RNF220: variants seen among roughly 807,000 people sequenced by gnomAD.
RNF220 encodes the protein ring finger protein 220, also known as E3 ubiquitin-protein ligase RNF220.
In RNF220, 7 loss-of-function variants were observed where a neutral mutation model predicts 67.1. The observed-to-expected ratio is 0.10, with a 90% CI of 0.06 to 0.20. The LOEUF (loss-of-function observed/expected upper bound fraction) is 0.20, where lower values mean the gene tolerates loss of function less well. RNF220 is among the 10% of genes least tolerant of loss of function. The pLI is 1.00. For synonymous variants in RNF220, 270 were observed against 283.2 expected (o/e 0.95, Z 0.47); for missense variants, 565 against 740.3 (o/e 0.76, Z 2.75).
intron 1 of RNF220, among the ~76,000 whole-genome samples, chr1:44,409,800 T>G (rs1260577988): frequency 3.3e-5 from 5 of 152,148 alleles, no homozygotes; most frequent in Non-Finnish European, 5.9e-5. Flanking sequence ...GGGAGTGTAT[T>G]AACTATAGAT....
intron 3 of RNF220, among the ~76,000 whole-genome samples, chr1:44,615,829 AAAC>A (rs558535545): frequency 6.6e-6 from 1 of 152,362 alleles, no homozygotes; most frequent in South Asian, 2.1e-4. Flanking sequence ...CTAGCAGCTA[AAAC>A]AACATACATG....
At chr1:44,421,803 G>A (rs577610022) in intron 2 of RNF220, among the ~76,000 whole-genome samples, 8 of 152,272 alleles carry the variant, frequency 5.3e-5, no homozygotes, top group South Asian at 2.1e-4. Context: ...AGTGGGAGAG[G>A]TGGGGAGTAG....
At chr1:44,553,549 C>T (rs1306177842) in intron 2 of RNF220, among the ~76,000 whole-genome samples, 1 of 152,152 alleles carries the variant, frequency 6.6e-6, no homozygotes, top group African/African-American at 2.4e-5. Flanking sequence ...CTATGAGAAG[C>T]TGCCTAGGCC....
At chr1:44,424,125 A>G in intron 2 of RNF220, 1 of 583,416 alleles carries the variant, frequency 1.7e-6, no homozygotes, top group Non-Finnish European at 2.2e-6. Context: ...TCTTCTTGAC[A>G]GCCTTATGGT....
chr1:44,615,530 T>C (rs566913980), intron 3 of RNF220, among the ~76,000 whole-genome samples: 1 of 152,166 alleles, frequency 6.6e-6, no homozygotes, highest in African/African-American at 2.4e-5. Context: ...TGATCCTCCT[T>C]CCTTCTACCT....
intron 2 of RNF220, among the ~76,000 whole-genome samples, chr1:44,495,162 A>G (rs899537732): frequency 1.3e-5 from 2 of 152,090 alleles, no homozygotes; most frequent in Admixed American, 1.3e-4. Flanking sequence ...GCAATGAGCC[A>G]TGATCATGCC....
intron 2 of RNF220, among the ~76,000 whole-genome samples, chr1:44,533,226 C>T (rs2148196721): frequency 6.6e-6 from 1 of 152,280 alleles, no homozygotes; most frequent in East Asian, 1.9e-4. Flanking sequence ...CATGGTGGCT[C>T]ACGCCTGTAA....
At chr1:44,488,018 G>A (rs1200668767) in intron 2 of RNF220, among the ~76,000 whole-genome samples, 2 of 151,148 alleles carry the variant, frequency 1.3e-5, no homozygotes, top group Non-Finnish European at 2.9e-5. Flanking sequence ...CACCCAGGCT[G>A]GAGTGCAGTG....
chr1:44,454,472 T>C (rs920969984), intron 2 of RNF220, among the ~76,000 whole-genome samples: 15 of 152,178 alleles, frequency 9.9e-5, no homozygotes, highest in Non-Finnish European at 1.6e-4. Flanking sequence ...CCCCTTTTTT[T>C]CCTTCTAATA....
intron 2 of RNF220, among the ~76,000 whole-genome samples, chr1:44,473,273 C>T (rs747077268): frequency 2.0e-5 from 3 of 152,078 alleles, no homozygotes; most frequent in East Asian, 1.9e-4. Flanking sequence ...TACAGTGGAA[C>T]GGTTTCTGTA....
chr1:44,526,809 C>T (rs1001092134), intron 2 of RNF220, among the ~76,000 whole-genome samples: 32 of 152,246 alleles, frequency 2.1e-4, no homozygotes, highest in African/African-American at 7.2e-4. Context: ...CTCCACTTCC[C>T]CACCTCCCAT....
At chr1:44,610,038 C>G (rs1189274493) in intron 2 of RNF220, among the ~76,000 whole-genome samples, 3 of 152,182 alleles carry the variant, frequency 2.0e-5, no homozygotes, top group African/African-American at 7.2e-5. Context: ...TGCAGGGATA[C>G]CTGTGGCAAG....
intron 2 of RNF220, among the ~76,000 whole-genome samples, chr1:44,465,253 A>C (rs1654168221): frequency 6.6e-6 from 1 of 152,150 alleles, no homozygotes. Context: ...AAAGCAGGTT[A>C]CTGAATCTAG....
Position 44,632,400 on chromosome 1 carries a change from G to GCCCCCGCC in RNF220, c.949+19_949+20insCGCCCCCC. ...CCGACTGAATGGTGAGTCCTGCCCGGCCCCTCCCTCCGCCCCACCCCCGGC... is the reference window on the plus strand; with the variant it reads ...CCGACTGAATGGTGAGTCCTGCCCGGCCCCCGCCCCCCTCCCTCCGCCCCACCCCCGGC... On this transcript the variant is annotated intron_variant, in intron 6 of 14. Transcript: ENST00000361799. 3 of 1,607,450 alleles carry GCCCCCGCC rather than the reference G, an allele frequency of 1.9e-6. No individual in the cohort carries two copies. Among genetic ancestry groups the GCCCCCGCC allele is most frequent in the Non-Finnish European group, 2.5e-6 (3 of 1,177,492 alleles).
chr1:44,468,145 G>A (rs1488405537), intron 2 of RNF220, among the ~76,000 whole-genome samples: 1 of 151,554 alleles, frequency 6.6e-6, no homozygotes, highest in Non-Finnish European at 1.5e-5. Flanking sequence ...TAAAAAAATG[G>A]CACTGATAGA....
intron 2 of RNF220, among the ~76,000 whole-genome samples, chr1:44,427,354 T>C (rs144252638): frequency 2.2e-4 from 34 of 152,336 alleles, no homozygotes; most frequent in African/African-American, 8.2e-4. Context: ...ACTTCATATA[T>C]GTATGTCAGG....
chr1:44,594,834 G>C (rs1666362361), intron 2 of RNF220, among the ~76,000 whole-genome samples: 1 of 152,190 alleles, frequency 6.6e-6, no homozygotes, highest in Non-Finnish European at 1.5e-5. Flanking sequence ...CTGGAGTTAG[G>C]TTTAGGTTCA....
At chr1:44,421,181 G>A (rs1395065734) in intron 2 of RNF220, among the ~76,000 whole-genome samples, 3 of 152,176 alleles carry the variant, frequency 2.0e-5, no homozygotes, top group African/African-American at 2.4e-5. Flanking sequence ...TCTGGGAGTC[G>A]GGAGAGGATT....
chr1:44,520,770 G>A (rs1009776072), intron 2 of RNF220, among the ~76,000 whole-genome samples: 5 of 152,188 alleles, frequency 3.3e-5, no homozygotes, highest in Non-Finnish European at 7.3e-5. Flanking sequence ...ACTCCTTGAA[G>A]GCTAAGACTG....
Sources: gnomAD v4.1 joint callset for allele counts (sites outside exome capture counted in the v4.1 genomes callset) on GRCh38, gnomAD v4.1.1 for gene constraint, MANE v1.5 for transcripts, NCBI Gene and HGNC (gene_info 2026-07-23, HGNC 2026-07-21) for gene names.